Variants in CADM1 observed in about 807,000 individuals in gnomAD.
CADM1 encodes the protein cell adhesion molecule 1, also known as TSLC-1.
A neutral mutation model predicts 53.1 loss-of-function variants in CADM1; 15 were observed. The observed-to-expected ratio is 0.28, with a 90% CI of 0.19 to 0.44. The LOEUF (loss-of-function observed/expected upper bound fraction) is 0.44, where lower values mean the gene tolerates loss of function less well. Among genes scored for constraint, CADM1 ranks in the 20% least tolerant of loss-of-function variants. The probability of loss-of-function intolerance (pLI) is 1.00; values close to 1 mark genes in which losing one functional copy is unlikely to be tolerated. For synonymous variants in CADM1, 281 were observed against 243.0 expected (o/e 1.16, Z -1.45); for missense variants, 434 against 611.3 (o/e 0.71, Z 3.06).
chr11:115,229,780 A>G (rs2134847232), intron 4 of CADM1, among the ~76,000 whole-genome samples: 1 of 152,330 alleles, frequency 6.6e-6, no homozygotes, highest in East Asian at 1.9e-4. Context: ...TACTCCCATC[A>G]TCAACAATTA....
chr11:115,418,256 G>A (rs1271461969), intron 1 of CADM1, among the ~76,000 whole-genome samples: 1 of 152,120 alleles, frequency 6.6e-6, no homozygotes, highest in Non-Finnish European at 1.5e-5. Context: ...TTCTTTAATA[G>A]TATAGCCCGA....
chr11:115,203,309 A>G (rs1290446396), intron 8 of CADM1, among the ~76,000 whole-genome samples: 1 of 152,170 alleles, frequency 6.6e-6, no homozygotes, highest in Non-Finnish European at 1.5e-5. Flanking sequence ...AACAATTCCT[A>G]TATCATGTTG....
chr11:115,441,163 A>T (rs1948301702), intron 1 of CADM1, among the ~76,000 whole-genome samples: 1 of 151,384 alleles, frequency 6.6e-6, no homozygotes, highest in Non-Finnish European at 1.5e-5. Context: ...GGGCCAAAGG[A>T]GTGAAGTCCT....
chr11:115,202,248 G>C (rs1416009386), intron 8 of CADM1, among the ~76,000 whole-genome samples: 1 of 151,762 alleles, frequency 6.6e-6, no homozygotes, highest in East Asian at 1.9e-4. Context: ...AAACAGTCAT[G>C]TGTAAGCTCC....
At chr11:115,261,054 T>C (rs1243655695) in intron 1 of CADM1, among the ~76,000 whole-genome samples, 1 of 152,144 alleles carries the variant, frequency 6.6e-6, no homozygotes, top group East Asian at 1.9e-4. Context: ...ACTTGTTACA[T>C]AGGCCAAGTG....
chr11:115,239,887 T>G lies in CADM1; in HGVS notation c.271+387A>C, dbSNP rs572175723. ...CCAAAGGCTATGATGAGAGAAGACT[T>G]GGTTTTATGCTTATAGGCATTTATT... On this transcript the variant is annotated intron_variant, in intron 2 of 11. Transcript: ENST00000331581. 2.6e-5 allele frequency among the ~76,000 whole-genome samples: 4 copies of G among 152,318 alleles called. No homozygotes were observed. In the East Asian group the frequency reaches 7.7e-4, roughly 29 times the overall value.
At chr11:115,243,733 A>C (rs928992043) in intron 1 of CADM1, among the ~76,000 whole-genome samples, 1 of 152,222 alleles carries the variant, frequency 6.6e-6, no homozygotes, top group Admixed American at 6.5e-5. Flanking sequence ...AGGTAGCTAC[A>C]AAACACAATT....
intron 1 of CADM1, among the ~76,000 whole-genome samples, chr11:115,435,248 A>C (rs140288402): frequency 1.3e-5 from 2 of 152,312 alleles, no homozygotes; most frequent in African/African-American, 4.8e-5. Flanking sequence ...ATTAAGCAAC[A>C]ATATGGCTTA....
intron 1 of CADM1, among the ~76,000 whole-genome samples, chr11:115,458,293 A>G (rs893671779): frequency 6.6e-6 from 1 of 152,136 alleles, no homozygotes; most frequent in African/African-American, 2.4e-5. Context: ...AGCAACTGAG[A>G]TCATCACATC....
chr11:115,395,522 C>G (rs1946973339), intron 1 of CADM1, among the ~76,000 whole-genome samples: 1 of 152,054 alleles, frequency 6.6e-6, no homozygotes, highest in Non-Finnish European at 1.5e-5. Flanking sequence ...TACAGCAGAG[C>G]CCCAGTCCTT....
At position 115,187,151 on chromosome 11, in the gene CADM1, C is replaced by T. The variant is rs533159658; in HGVS notation, c.1165+3737G>A. Reference sequence around the variant, plus strand: ...ACTTAAATATATCTATACAGCTCATCTGGTTTTTAATGTTTTATTATCATT... The same window carrying T: ...ACTTAAATATATCTATACAGCTCATTTGGTTTTTAATGTTTTATTATCATT... On this transcript the variant is annotated intron_variant, in intron 10 of 11. Coordinates refer to ENST00000331581, the MANE Select transcript of CADM1 (RefSeq NM_001301043.2). 1.2e-4 allele frequency among the ~76,000 whole-genome samples: 19 copies of T among 152,320 alleles called. 1 individual carries two copies. Among genetic ancestry groups the T allele is most frequent in the African/African-American group, 4.3e-4 (18 of 41,554 alleles).
At chr11:115,442,335 G>C (rs1948335227) in intron 1 of CADM1, among the ~76,000 whole-genome samples, 1 of 152,134 alleles carries the variant, frequency 6.6e-6, no homozygotes, top group Non-Finnish European at 1.5e-5. Context: ...ACTATACTGA[G>C]TCCAATCCCT....
In CADM1 at chr11:115,171,365, C is replaced by A. The variant is rs1047017719; in HGVS notation, c.*5109G>T. The A allele has an allele frequency of 6.6e-6, 1 of 152,162 alleles. No homozygotes were observed. Among genetic ancestry groups the A allele is most frequent in the Non-Finnish European group, 1.5e-5 (1 of 68,030 alleles). 9.4% of individuals were successfully genotyped at this position (152,162 alleles called of 1,614,324 possible). A position where few individuals can be genotyped will look rare whatever the true frequency, so the allele number is the denominator to read the frequency against. On this transcript the variant is annotated 3_prime_UTR_variant, in exon 12 of 12. Coordinates refer to ENST00000331581, the MANE Select transcript of CADM1 (RefSeq NM_001301043.2). ...ATGACAGAATCAAAGGAGCATTTCT[C>A]CATGGAGCAAGTCCACAGCGGTAAA...
At chr11:115,487,344 A>T (rs975913171) in intron 1 of CADM1, among the ~76,000 whole-genome samples, 3 of 152,178 alleles carry the variant, frequency 2.0e-5, no homozygotes, top group Admixed American at 1.3e-4. Context: ...TCATCTTTTT[A>T]AAAAATTTAT....
In CADM1 at chr11:115,178,533, T is replaced by C. The variant is rs374362254; in HGVS notation, c.1297+111A>G. 3.0e-4 allele frequency: 243 copies of C among 808,128 alleles called. 3 individuals carry two copies. In the East Asian group the frequency reaches 4.5e-3, roughly 15 times the overall value. 50.1% of individuals were successfully genotyped at this position (808,128 alleles called of 1,614,324 possible). On this transcript the variant is annotated intron_variant, in intron 11 of 11. Transcript: ENST00000331581. ...CTCTCTTCCAGTTTCAGGAATCAGA[T>C]AGGCCGTGTGGCCACATACATCAAA...
chr11:115,256,488 C>G (rs45604331), intron 1 of CADM1, among the ~76,000 whole-genome samples: 1 of 152,254 alleles, frequency 6.6e-6, no homozygotes, highest in Non-Finnish European at 1.5e-5. Flanking sequence ...TTGTGCCATC[C>G]GGATATAGGC....
chr11:115,476,862 G>A lies in CADM1; in HGVS notation c.124+27409C>T, dbSNP rs568460853. ...AACTGAGAGTTAACAGCATGCTGACGTCCACTGAAAGAGACAGATGACACT... is the reference window on the plus strand; with the variant it reads ...AACTGAGAGTTAACAGCATGCTGACATCCACTGAAAGAGACAGATGACACT... On this transcript the variant is annotated intron_variant, in intron 1 of 11. Coordinates refer to ENST00000331581, the MANE Select transcript of CADM1 (RefSeq NM_001301043.2). Among the ~76,000 whole-genome samples, 104 of 152,256 alleles carry A rather than the reference G, an allele frequency of 6.8e-4. No individual in the cohort carries two copies. The South Asian group carries it at 6.8e-3, about 10-fold the overall frequency.
At chr11:115,299,520 C>A (rs934863194) in intron 1 of CADM1, among the ~76,000 whole-genome samples, 1 of 152,066 alleles carries the variant, frequency 6.6e-6, no homozygotes, top group Non-Finnish European at 1.5e-5. Flanking sequence ...CAAGACCAGA[C>A]ACCAATACGC....
intron 1 of CADM1, among the ~76,000 whole-genome samples, chr11:115,282,526 C>G (rs904379333): frequency 7.9e-5 from 12 of 152,180 alleles, no homozygotes; most frequent in African/African-American, 2.7e-4. Flanking sequence ...GCATTCTTAT[C>G]ACAACACTAT....
Sources: allele counts gnomAD v4.1 joint callset (sites outside exome capture counted in the v4.1 genomes callset), GRCh38; gene constraint gnomAD v4.1.1; transcripts MANE v1.5; gene names NCBI Gene and HGNC (gene_info 2026-07-23, HGNC 2026-07-21).